RNF38: variants seen among roughly 807,000 people sequenced by gnomAD.
The protein encoded by RNF38 is ring finger protein 38.
A neutral mutation model predicts 67.2 loss-of-function variants in RNF38; 15 were observed. The observed-to-expected ratio is 0.22, with a 90% CI of 0.15 to 0.34. The LOEUF is 0.34. RNF38 is among the 10% of genes least tolerant of loss of function. RNF38 has a pLI of 1.00. For missense variants in RNF38, 524 were observed against 639.9 expected, an observed-to-expected ratio of 0.82 and a Z score of 1.95; for synonymous variants, 220 against 218.8, an observed-to-expected ratio of 1.01 and a Z score of -0.05.
At chr9:36,412,846 G>A (rs1028906339) in intron 2 of RNF38, among the ~76,000 whole-genome samples, 1 of 152,186 alleles carries the variant, frequency 6.6e-6, no homozygotes, top group Non-Finnish European at 1.5e-5. Flanking sequence ...GCCAAGGCGG[G>A]TGGATCACCT....
At chr9:36,440,524 T>A (rs1285089077) in intron 1 of RNF38, among the ~76,000 whole-genome samples, 2 of 145,114 alleles carry the variant, frequency 1.4e-5, no homozygotes, top group African/African-American at 2.6e-5. Context: ...AGAGCGAAAC[T>A]CCATCTCAAA....
upstream of RNF38, among the ~76,000 whole-genome samples, chr9:36,404,729 G>T (rs2134175803): frequency 6.6e-6 from 1 of 152,182 alleles, no homozygotes; most frequent in East Asian, 1.9e-4. Flanking sequence ...AAACAATTCT[G>T]TTTATATCCT....
intron 1 of RNF38, among the ~76,000 whole-genome samples, chr9:36,427,130 T>G (rs1277033388): frequency 6.6e-6 from 1 of 152,238 alleles, no homozygotes; most frequent in African/African-American, 2.4e-5. Flanking sequence ...TCCAGCCACA[T>G]AATAGGCTCC....
chr9:36,397,540 C>T (rs1291733861), intron 1 of RNF38, among the ~76,000 whole-genome samples: 1 of 152,104 alleles, frequency 6.6e-6, no homozygotes, highest in Admixed American at 6.5e-5. Flanking sequence ...TTATGGTTCC[C>T]ACTCTTGAGT....
At chr9:36,400,969 T>G, upstream of RNF38, 1 of 982,462 alleles carries the variant, frequency 1.0e-6, no homozygotes, top group Non-Finnish European at 1.2e-6. Flanking sequence ...GGGCTCCCTA[T>G]GCGCCGGCGC....
chr9:36,454,128 CTT>C (rs111987823), intron 1 of RNF38, among the ~76,000 whole-genome samples: 4 of 146,146 alleles, frequency 2.7e-5, no homozygotes, highest in South Asian at 2.2e-4. Flanking sequence ...TTCTTTCATA[CTT>C]TTTTTTTTTT....
At chr9:36,368,245 T>G (rs1294761377) in intron 4 of RNF38, among the ~76,000 whole-genome samples, 1 of 152,228 alleles carries the variant, frequency 6.6e-6, no homozygotes, top group Non-Finnish European at 1.5e-5. Flanking sequence ...CTAATTCTTG[T>G]GTTGTTCTGG....
chr9:36,458,892 C>A (rs1248785796), intron 1 of RNF38, among the ~76,000 whole-genome samples: 7 of 152,160 alleles, frequency 4.6e-5, no homozygotes, highest in African/African-American at 1.7e-4. Flanking sequence ...TAACCACAGA[C>A]CATCAAGACA....
intron 1 of RNF38, among the ~76,000 whole-genome samples, chr9:36,427,585 G>A (rs1411780278): frequency 6.6e-6 from 1 of 152,042 alleles, no homozygotes; most frequent in Non-Finnish European, 1.5e-5. Flanking sequence ...CAGCAAAAAG[G>A]CACTCTCTAT....
At chr9:36,409,261 G>GGAAGGAAA (rs886418208) in intron 2 of RNF38, among the ~76,000 whole-genome samples, 1 of 137,938 alleles carries the variant, frequency 7.2e-6, no homozygotes, top group African/African-American at 2.7e-5. Context: ...AAGGAAGGAA[G>GGAAGGAAA]GAAGGAAAGA....
chr9:36,480,825 C>A (rs1370082910), intron 1 of RNF38, among the ~76,000 whole-genome samples: 1 of 151,850 alleles, frequency 6.6e-6, no homozygotes, highest in African/African-American at 2.4e-5. Flanking sequence ...GCTGGGATTA[C>A]AGGGGTGAGC....
At chr9:36,480,641 T>TCCCAGGCTCAAGCGATTCTCGTGC (rs2134450470) in intron 1 of RNF38, among the ~76,000 whole-genome samples, 1 of 134,650 alleles carries the variant, frequency 7.4e-6, no homozygotes, top group Non-Finnish European at 1.5e-5. Context: ...AATCTCCGCC[T>TCCCAGGCTCAAGCGATTCTCGTGC]CCCAGGCTCA....
chr9:36,471,569 C>T (rs1327080759), intron 1 of RNF38, among the ~76,000 whole-genome samples: 2 of 152,172 alleles, frequency 1.3e-5, no homozygotes, highest in Non-Finnish European at 2.9e-5. Flanking sequence ...ACTCCAGAGA[C>T]TGAAGTGATC....
At position 36,353,343 on chromosome 9, in the gene RNF38, G is replaced by GAA; in HGVS notation, c.910-14_910-13dup. 2 of 1,483,876 alleles carry GAA rather than the reference G, an allele frequency of 1.3e-6. No individual in the cohort carries two copies. Among genetic ancestry groups the GAA allele is most frequent in the South Asian group, 1.3e-5 (1 of 75,788 alleles). The allele number at this position is 1,483,876 out of a possible 1,614,324, so 91.9% of individuals were successfully genotyped here. The stretch of plus-strand genomic sequence containing the variant: ...ATCCTTTGCAGAGGCTGAGGAGGGG[G>GAA]AAAAAAAAACACATATATGTATATA... On this transcript the variant is annotated splice_polypyrimidine_tract_variant and intron_variant, in intron 6 of 11. Coordinates refer to ENST00000259605, the MANE Select transcript of RNF38 (RefSeq NM_022781.5).
intron 1 of RNF38, among the ~76,000 whole-genome samples, chr9:36,480,040 G>A (rs1206982132): frequency 3.9e-5 from 6 of 151,908 alleles, no homozygotes; most frequent in East Asian, 3.9e-4. Context: ...GTGCAGTGGC[G>A]TGATTTCGGC....
rs756389690 is a variant in RNF38, at chr9:36,342,311, T to A, written c.1485+14A>T. ...AATTCAATGTCATTTCCTTTAAAGATGTCATCACTTTACCTTAAGCCATTT... is the reference window on the plus strand; with the variant it reads ...AATTCAATGTCATTTCCTTTAAAGAAGTCATCACTTTACCTTAAGCCATTT... On this transcript the variant is annotated intron_variant, in intron 11 of 11. Transcript: ENST00000259605. 3 of 1,542,738 alleles carry A rather than the reference T, an allele frequency of 1.9e-6. No homozygotes were observed. The East Asian group carries it at 6.7e-5, about 35-fold the overall frequency.
intron 2 of RNF38, among the ~76,000 whole-genome samples, chr9:36,387,892 A>G (rs1221321282): frequency 6.6e-6 from 1 of 150,490 alleles, no homozygotes; most frequent in East Asian, 2.1e-4. Context: ...AAAACAAAAC[A>G]AAAAAAACAG....
At position 36,338,711 on chromosome 9, in the gene RNF38, TATATTAATCAAATATCTTC is replaced by T; in HGVS notation, c.*1022_*1040del. ...ATGGGACTAGTGGTCTTCTTAGAAA[TATATTAATCAAATATCTTC>T]AGAATAGACTAGACTACAAATCTAA... is the stretch of plus-strand genomic sequence containing the variant. On this transcript the variant is annotated 3_prime_UTR_variant, in exon 12 of 12. Coordinates refer to ENST00000259605, the MANE Select transcript of RNF38 (RefSeq NM_022781.5). 6.6e-6 allele frequency: 1 copy of T among 152,588 alleles called. No individual in the cohort carries two copies. Among genetic ancestry groups the T allele is most frequent in the Middle Eastern group, 3.4e-3 (1 of 294 alleles). The allele number at this position is 152,588 out of a possible 1,614,324, so 9.5% of individuals were successfully genotyped here.
intron 9 of RNF38, among the ~76,000 whole-genome samples, chr9:36,347,137 G>T (rs76520054): frequency 1.2e-3 from 32 of 26,086 alleles, no homozygotes; most frequent in Middle Eastern, 0.017. Context: ...GGGGGGGGGG[G>T]GGGGGGGGGG....
Sources: gnomAD v4.1 joint callset for allele counts (sites outside exome capture counted in the v4.1 genomes callset) on GRCh38, gnomAD v4.1.1 for gene constraint, MANE v1.5 for transcripts, NCBI Gene and HGNC (gene_info 2026-07-23, HGNC 2026-07-21) for gene names.